The following GFRA2 variants were observed in gnomAD, a reference collection of about 807,000 sequenced individuals.
GFRA2 encodes GDNF family receptor alpha-2.
Under a neutral mutation model 48.3 loss-of-function variants are expected in GFRA2, and 17 were observed. The ratio of observed to expected loss-of-function variants is 0.35; its 90% confidence interval spans 0.24 to 0.53. The LOEUF (loss-of-function observed/expected upper bound fraction) is 0.53, where lower values mean the gene tolerates loss of function less well. GFRA2 is among the 20% of genes least tolerant of loss of function. The probability of loss-of-function intolerance (pLI) is 0.93; values close to 1 mark genes in which losing one functional copy is unlikely to be tolerated. For missense variants in GFRA2, 660 were observed against 637.3 expected (o/e 1.04, Z -0.38); for synonymous variants, 305 against 257.2 (o/e 1.19, Z -1.78).
chr8:21,702,979 T>C lies in GFRA2; in HGVS notation c.1046-2A>G. On this transcript the variant is annotated splice_acceptor_variant, in intron 6 of 8. Transcript: ENST00000524240. LOFTEE classifies it high-confidence loss of function. Reference sequence around the variant, plus strand: ...TGCCAAAGGCCTGGATGGCGTTCCCTGGGATGGGGGTGAGGGCAGATGCAG... The same window carrying C: ...TGCCAAAGGCCTGGATGGCGTTCCCCGGGATGGGGGTGAGGGCAGATGCAG... The C allele has an allele frequency of 6.6e-7, 1 of 1,511,118 alleles. No homozygotes were observed. Among genetic ancestry groups the C allele is most frequent in the Non-Finnish European group, 8.8e-7 (1 of 1,135,296 alleles). The allele number at this position is 1,511,118 out of a possible 1,614,324, so 93.6% of individuals were successfully genotyped here. A position where few individuals can be genotyped will look rare whatever the true frequency, so the allele number is the denominator to read the frequency against.
intron 3 of GFRA2, among the ~76,000 whole-genome samples, 157 bp downstream of exon 3, chr8:21,774,815 C>T (rs1475928420): frequency 6.6e-6 from 1 of 152,170 alleles, no homozygotes; most frequent in Non-Finnish European, 1.5e-5. Flanking sequence ...GTGTTCTTTA[C>T]AGAGGAGGAA....
chr8:21,736,024 C>G (rs756737455), intron 4 of GFRA2, among the ~76,000 whole-genome samples: 1 of 152,238 alleles, frequency 6.6e-6, no homozygotes, highest in African/African-American at 2.4e-5. Flanking sequence ...ACCACTGGTT[C>G]ACTCGGGCTC....
chr8:21,739,935 C>G (rs1418637655), intron 4 of GFRA2, among the ~76,000 whole-genome samples: 1 of 152,242 alleles, frequency 6.6e-6, no homozygotes, highest in Admixed American at 6.5e-5. Flanking sequence ...CTTCCCACAC[C>G]TGAAGGACTC....
At chr8:21,695,870 T>A (rs535769823) in intron 7 of GFRA2, among the ~76,000 whole-genome samples, 30 of 152,238 alleles carry the variant, frequency 2.0e-4, no homozygotes, top group African/African-American at 6.5e-4. Flanking sequence ...ACTTGTGACA[T>A]CCTATGGCTT....
At chr8:21,759,464 G>T (rs1351789707) in intron 3 of GFRA2, among the ~76,000 whole-genome samples, 1 of 109,152 alleles carries the variant, frequency 9.2e-6, no homozygotes, top group African/African-American at 4.0e-5. Context: ...GAGGGAGGGA[G>T]GGAGGGAGGG....
chr8:21,740,620 G>C (rs568520937), intron 4 of GFRA2, among the ~76,000 whole-genome samples: 5 of 152,286 alleles, frequency 3.3e-5, no homozygotes, highest in African/African-American at 1.2e-4. Context: ...CAGGTTCCCA[G>C]TGCCTCCTCT....
intron 4 of GFRA2, among the ~76,000 whole-genome samples, chr8:21,735,325 T>C (rs10216907): frequency 0.067 from 10,249 of 152,154 alleles, 975 homozygotes; most frequent in African/African-American, 0.21. Context: ...CTATATAGCA[T>C]ACATCTATCC....
rs146034713 is a variant in GFRA2 at position 21,733,790 on chromosome 8, G to A, written c.794+16798C>T. 3.8e-3 allele frequency among the ~76,000 whole-genome samples: 585 copies of A among 152,250 alleles called. 6 individuals are homozygous for A. Among genetic ancestry groups the A allele is most frequent in the African/African-American group, 0.013 (532 of 41,540 alleles). Reference sequence around the variant, plus strand: ...TGATGACCATTTAATAGCCGACCCCGCGCAGTTAGAGGAGCATCAGAAAGC... The same window carrying A: ...TGATGACCATTTAATAGCCGACCCCACGCAGTTAGAGGAGCATCAGAAAGC... On this transcript the variant is annotated intron_variant, in intron 4 of 8. Transcript: ENST00000524240.
intron 1 of GFRA2, among the ~76,000 whole-genome samples, chr8:21,786,692 C>T (rs1203422214): frequency 1.3e-5 from 2 of 152,180 alleles, no homozygotes; most frequent in Non-Finnish European, 2.9e-5. Flanking sequence ...GGGACTTGCC[C>T]CCTTGGGGAC....
At chr8:21,788,061 G>GCCCCCCCCC in intron 1 of GFRA2, 59 bp downstream of exon 1, 12 of 294,718 alleles carry the variant, frequency 4.1e-5, no homozygotes, top group South Asian at 1.7e-4. Flanking sequence ...CGCTCCGCTC[G>GCCCCCCCCC]CCCCCCGCCT....
At chr8:21,719,980 T>C (rs1585251996) in intron 4 of GFRA2, among the ~76,000 whole-genome samples, 2 of 152,298 alleles carry the variant, frequency 1.3e-5, no homozygotes, top group Admixed American at 1.3e-4. Flanking sequence ...CCATTCCCAA[T>C]TCTGAAGACC....
Position 21,692,079 on chromosome 8 carries a change from C to T in GFRA2, c.*1199G>A, listed in dbSNP as rs1295020475. 6.5e-6 allele frequency: 1 copy of T among 152,676 alleles called. No homozygotes were observed. The highest frequency in any genetic ancestry group is 2.4e-5 in the African/African-American group (1 of 41,466). The allele number at this position is 152,676 out of a possible 1,614,324, so 9.5% of individuals were successfully genotyped here. A position where few individuals can be genotyped will look rare whatever the true frequency, so the allele number is the denominator to read the frequency against. ...CTTGGATGCGGATCAGGAGCCCCCA[C>T]CAGAGCCCAGCCAGGCTGACTGGGG... On this transcript the variant is annotated 3_prime_UTR_variant, in exon 9 of 9. Transcript: ENST00000524240.
intron 2 of GFRA2, among the ~76,000 whole-genome samples, chr8:21,795,011 G>A (rs1408800857): frequency 3.3e-5 from 5 of 152,218 alleles, no homozygotes; most frequent in African/African-American, 1.2e-4. Flanking sequence ...GGCAGGAGGT[G>A]GAGCTCTGGT....
At chr8:21,715,283 C>T (rs1193139084) in intron 4 of GFRA2, among the ~76,000 whole-genome samples, 5 of 152,138 alleles carry the variant, frequency 3.3e-5, no homozygotes, top group Admixed American at 2.0e-4. Context: ...AGGACTTCCT[C>T]GTTGGGCCAG....
At chr8:21,755,951 C>A (rs540308187) in intron 3 of GFRA2, among the ~76,000 whole-genome samples, 9 of 152,238 alleles carry the variant, frequency 5.9e-5, no homozygotes, top group Non-Finnish European at 1.2e-4. Flanking sequence ...GGGGACACTG[C>A]CTCTAAGGGA....
At chr8:21,719,708 C>G (rs960317276) in intron 4 of GFRA2, among the ~76,000 whole-genome samples, 1 of 152,214 alleles carries the variant, frequency 6.6e-6, no homozygotes, top group African/African-American at 2.4e-5. Flanking sequence ...TCAACTTTCT[C>G]TGAATGCTGA....
At chr8:21,711,623 T>C (rs1246432743) in intron 4 of GFRA2, among the ~76,000 whole-genome samples, 1 of 152,092 alleles carries the variant, frequency 6.6e-6, no homozygotes. Context: ...AGACAATGAA[T>C]ATCTTTTTTT....
At chr8:21,752,960 T>C (rs1383972178) in intron 3 of GFRA2, among the ~76,000 whole-genome samples, 1 of 152,046 alleles carries the variant, frequency 6.6e-6, no homozygotes, top group East Asian at 1.9e-4. Context: ...CTGTGCCTGT[T>C]AAGAGCCTCC....
At chr8:21,801,482 A>G (rs1056067367) in intron 2 of GFRA2, among the ~76,000 whole-genome samples, 27 of 152,288 alleles carry the variant, frequency 1.8e-4, no homozygotes, top group African/African-American at 6.5e-4. Flanking sequence ...ATGGGCCCAG[A>G]AAATTCATGC....
Sources: allele counts gnomAD v4.1 joint callset (sites outside exome capture counted in the v4.1 genomes callset), GRCh38; gene constraint gnomAD v4.1.1; transcripts MANE v1.5; gene names NCBI Gene and HGNC (gene_info 2026-07-23, HGNC 2026-07-21).